DNASE1L1: variants seen among roughly 807,000 people sequenced by gnomAD.
DNASE1L1 encodes the protein deoxyribonuclease-1-like 1.
In DNASE1L1, 8 loss-of-function variants were observed where a neutral mutation model predicts 18.6. The ratio of observed to expected loss-of-function variants is 0.43; its 90% CI spans 0.25 to 0.78. DNASE1L1 has a LOEUF of 0.78. DNASE1L1 is among the 30% of genes least tolerant of loss of function. DNASE1L1 has a pLI of 0.23. For synonymous variants in DNASE1L1, 114 were observed against 114.2 expected (o/e 1.00, Z 0.01); for missense variants, 214 against 258.2 (o/e 0.83, Z 1.17).
Position 154,403,068 on chromosome X carries a change from G to C in DNASE1L1, c.648C>G (p.Thr216=). Residue 216 remains threonine, a synonymous_variant, in exon 7 of 8, where the codon ACC becomes ACG. Transcript: ENST00000369807. ...FHWVIADGED[T]TVRASTHCTY... is the part of the protein sequence containing the mutation. ...TGCAGTGGGTGCTGGCCCGCACTGT[G>C]GTGTCCTCCCCATCGGCAATCACCC... 8.3e-7 allele frequency: 1 copy of C among 1,211,786 alleles called. No homozygotes were observed. The highest frequency in any genetic ancestry group is 3.0e-5 in the East Asian group (1 of 33,843).
rs782624859 is a variant in DNASE1L1 at position 154,405,607 on chromosome X, G to A, written c.-39C>T. 2 of 1,103,686 alleles carry A rather than the reference G, an allele frequency of 1.8e-6. No individual in the cohort carries two copies. The highest frequency in any genetic ancestry group is 2.4e-6 in the Non-Finnish European group (2 of 834,772). The allele number at this position is 1,103,686 out of a possible 1,213,427, so 91.0% of individuals were successfully genotyped here. On this transcript the variant is annotated 5_prime_UTR_variant, in exon 2 of 8. Coordinates refer to ENST00000369807, the MANE Select transcript of DNASE1L1 (RefSeq NM_001303620.2). ...TGCCGGGGACACCCCAGGAATCCAG[G>A]CTGCCCCAGGGTGCGCTCTCACTGG...
rs35330789 is a variant in DNASE1L1 at position 154,404,147 on chromosome X, C to CTTTTT, written c.312-530_312-526dup. 2.4e-3 allele frequency among the ~76,000 whole-genome samples: 158 copies of CTTTTT among 65,245 alleles called. 1 individual carries two copies. The highest frequency in any genetic ancestry group is 0.013 in the Middle Eastern group (1 of 77). The allele number at this position is 65,245 out of a possible 115,157, so 56.7% of individuals were successfully genotyped here. On this transcript the variant is annotated intron_variant, in intron 4 of 7. Transcript: ENST00000369807. ...GACATTTGGACACTTTGATGTCATT[C>CTTTTT]TTTTTTTTTTTTTTTTTTTTTTTGA...
chrX:154,405,779 A>C (rs2068138089), intron 1 of DNASE1L1, 124 bp from the exon 2 acceptor site: 1 of 290,108 alleles, frequency 3.4e-6, no homozygotes, highest in African/African-American at 2.8e-5. Flanking sequence ...CTCCAAAAAA[A>C]AAAATTGTTT....
At chrX:154,407,294 A>C (rs1312933018) in intron 1 of DNASE1L1, among the ~76,000 whole-genome samples, 1 of 83,667 alleles carries the variant, frequency 1.2e-5, no homozygotes, top group Non-Finnish European at 2.2e-5. Context: ...ACTGGAGAGC[A>C]GTGGCGTGAT....
chrX:154,405,973 ATT>A (rs1362626540), intron 1 of DNASE1L1, among the ~76,000 whole-genome samples: 1 of 99,746 alleles, frequency 1.0e-5, no homozygotes, highest in African/African-American at 3.6e-5. Flanking sequence ...ATATGTCAGA[ATT>A]TTTTTTTTTT....
chrX:154,410,671 A>T (rs942832986), upstream of DNASE1L1, among the ~76,000 whole-genome samples: 2 of 109,139 alleles, frequency 1.8e-5, no homozygotes, highest in African/African-American at 6.7e-5. Flanking sequence ...GGAGTTCGAG[A>T]CCAACCTGGG....
chrX:154,411,049 A>G (rs1220625611), upstream of DNASE1L1, among the ~76,000 whole-genome samples: 3 of 112,210 alleles, frequency 2.7e-5, no homozygotes, highest in African/African-American at 9.7e-5. Flanking sequence ...ATGATACACA[A>G]TATGTTTGTA....
Position 154,402,596 on chromosome X carries a change from C to T in DNASE1L1, c.*111G>A. ...AAACAAGGCAGGCAGGGGTGGACTA[C>T]AGTCACAGGGCAACTATAGTTGAAG... is the stretch of plus-strand genomic sequence containing the variant. On this transcript the variant is annotated 3_prime_UTR_variant, in exon 8 of 8. Transcript: ENST00000369807. 1 of 760,906 alleles carries T rather than the reference C, an allele frequency of 1.3e-6. No homozygotes were observed. The highest frequency in any genetic ancestry group is 1.9e-6 in the Non-Finnish European group (1 of 538,265). The allele number at this position is 760,906 out of a possible 1,213,427, so 62.7% of individuals were successfully genotyped here. A position where few individuals can be genotyped will look rare whatever the true frequency, so the allele number is the denominator to read the frequency against.
upstream of DNASE1L1, chrX:154,412,019 G>C (rs2068318449): frequency 8.3e-7 from 1 of 1,203,456 alleles, no homozygotes; most frequent in Admixed American, 2.2e-5. Context: ...GGGACTTAGG[G>C]TGGGGGACGC....
At chrX:154,404,560 C>T (rs782060572) in intron 4 of DNASE1L1, among the ~76,000 whole-genome samples, 7 of 112,278 alleles carry the variant, frequency 6.2e-5, no homozygotes, top group Non-Finnish European at 1.1e-4. Flanking sequence ...GCCAGCCACA[C>T]CCTGAGCCCC....
chrX:154,404,891 C>T lies in DNASE1L1; in HGVS notation c.248G>A (p.Ser83Asn). The change falls in exon 4 of 8, where the codon AGC becomes AAC. Residue 83 changes from serine (S) to asparagine (N), a missense_variant. Ser to Asn is a conservative substitution (Grantham distance 46, BLOSUM62 1). Coordinates refer to ENST00000369807, the MANE Select transcript of DNASE1L1 (RefSeq NM_001303620.2). ...LNRFDGSGPY[S>N]TLSSPQLGRS... is the part of the protein sequence containing the mutation. ...CCCCAGCTGGGGGCTGCTCAGGGTG[C>T]TGTAGGGCCCAGAGCCATCAAATCT... 1 of 1,211,604 alleles carries T rather than the reference C, an allele frequency of 8.3e-7. No individual in the cohort carries two copies. The highest frequency in any genetic ancestry group is 1.1e-6 in the Non-Finnish European group (1 of 895,410).
At chrX:154,406,039 G>A (rs1283685586) in intron 1 of DNASE1L1, among the ~76,000 whole-genome samples, 6 of 103,438 alleles carry the variant, frequency 5.8e-5, no homozygotes, top group East Asian at 6.3e-4. Context: ...TGGCGCAAAC[G>A]CGGCTCACTG....
At chrX:154,411,982 C>T, upstream of DNASE1L1, 2 of 1,199,761 alleles carry the variant, frequency 1.7e-6, no homozygotes, top group Non-Finnish European at 2.3e-6. Flanking sequence ...GGCAGGCCCG[C>T]CCGGGTACCC....
chrX:154,403,604 G>C lies in DNASE1L1; in HGVS notation c.330C>G (p.Val110=). The C allele has an allele frequency of 2.5e-6, 3 of 1,211,632 alleles. No homozygotes were observed. Among genetic ancestry groups the C allele is most frequent in the Non-Finnish European group, 3.4e-6 (3 of 895,200 alleles). The change falls in exon 5 of 8, where the codon GTC becomes GTG. Residue 110 remains valine (V), a synonymous_variant. Transcript: ENST00000369807. Reference sequence around the variant, plus strand: ...CATCGTTGTACACGTAGGAACTCAGGACCTGTGTTTTGTGTGACCTGGGAG... The same window carrying C: ...CATCGTTGTACACGTAGGAACTCAGCACCTGTGTTTTGTGTGACCTGGGAG... ...VYFYRSHKTQ[V]LSSYVYNDED... is the part of the protein sequence containing the mutation.
upstream of DNASE1L1, chrX:154,409,980 G>A (rs1410007739): frequency 8.9e-6 from 1 of 112,737 alleles, no homozygotes; most frequent in African/African-American, 3.2e-5. Flanking sequence ...GGTGGCTCAT[G>A]CCTGTAATCC....
upstream of DNASE1L1, among the ~76,000 whole-genome samples, chrX:154,410,516 G>A (rs781820098): frequency 1.8e-5 from 2 of 110,758 alleles, no homozygotes; most frequent in African/African-American, 3.3e-5. Flanking sequence ...TCTCGTCACT[G>A]CACTCCAGCC....
chrX:154,403,913 T>C (rs950901695), intron 4 of DNASE1L1, among the ~76,000 whole-genome samples: 5 of 111,361 alleles, frequency 4.5e-5, no homozygotes, highest in Non-Finnish European at 9.4e-5. Flanking sequence ...ATAACATCCA[T>C]TACCAGTTAC....
In DNASE1L1 at chrX:154,404,721, G is replaced by A. The variant is rs1413762745; in HGVS notation, c.311+107C>T. The A allele has an allele frequency of 5.5e-6, 4 of 727,673 alleles. No individual in the cohort carries two copies. The African/African-American group carries it at 8.6e-5, about 16-fold the overall frequency. The allele number at this position is 727,673 out of a possible 1,213,427, so 60.0% of individuals were successfully genotyped here. A position where few individuals can be genotyped will look rare whatever the true frequency, so the allele number is the denominator to read the frequency against. Reference sequence around the variant, plus strand: ...AAGAGAAAGCATGCAAAGCAGGTGAGGCTGTCCCAGGATGGGGGGCCTGTG... The same window carrying A: ...AAGAGAAAGCATGCAAAGCAGGTGAAGCTGTCCCAGGATGGGGGGCCTGTG... On this transcript the variant is annotated intron_variant, in intron 4 of 7. Transcript: ENST00000369807.
At chrX:154,406,372 T>G (rs2068151572) in intron 1 of DNASE1L1, among the ~76,000 whole-genome samples, 1 of 103,286 alleles carries the variant, frequency 9.7e-6, no homozygotes, top group Non-Finnish European at 2.0e-5. Flanking sequence ...CATCTGGTTT[T>G]TTTTTTTTTT....
Sources: gnomAD v4.1 joint callset for allele counts (sites outside exome capture counted in the v4.1 genomes callset) on GRCh38, gnomAD v4.1.1 for gene constraint, MANE v1.5 for transcripts, NCBI Gene and HGNC (gene_info 2026-07-23, HGNC 2026-07-21) for gene names.